The following RAB11FIP4 variants were observed in gnomAD, a reference collection of about 807,000 sequenced individuals.
RAB11FIP4 encodes rab11 family-interacting protein 4.
In RAB11FIP4, 23 loss-of-function variants were observed where a neutral mutation model predicts 74.3. The observed-to-expected ratio is 0.31, with a 90% CI of 0.22 to 0.44. The LOEUF is 0.44. Among genes scored for constraint, RAB11FIP4 ranks in the 20% least tolerant of loss-of-function variants. The probability of loss-of-function intolerance (pLI) is 1.00; values close to 1 mark genes in which losing one functional copy is unlikely to be tolerated. For missense variants in RAB11FIP4, 630 were observed against 863.9 expected (o/e 0.73, Z 3.39); for synonymous variants, 360 against 359.9 (o/e 1.00, Z 0.00).
intron 9 of RAB11FIP4, chr17:31,524,654 C>T (rs1597982861): frequency 4.5e-6 from 1 of 220,624 alleles, no homozygotes; most frequent in Non-Finnish European, 9.2e-6. Context: ...CTACGTGCCC[C>T]TGGCCCTGTC....
chr17:31,460,806 T>C (rs994758053), intron 3 of RAB11FIP4, among the ~76,000 whole-genome samples: 16 of 151,856 alleles, frequency 1.1e-4, no homozygotes, highest in African/African-American at 2.9e-4. Flanking sequence ...TCCTAGCTCA[T>C]TGCATCCTCC....
intron 3 of RAB11FIP4, among the ~76,000 whole-genome samples, chr17:31,494,691 G>A (rs894940368): frequency 8.6e-5 from 13 of 151,986 alleles, no homozygotes; most frequent in Admixed American, 3.9e-4. Flanking sequence ...TACCCAGGCT[G>A]ATCTCGAATT....
rs867079892 is a variant in RAB11FIP4 at position 31,509,892 on chromosome 17, C to A, written c.337-7759C>A. ...ACTGCCTCTGGGTGGATGCTTGAACCCCCTTTATCCCACCCTTGCCTTGGC... is the reference window on the plus strand; with the variant it reads ...ACTGCCTCTGGGTGGATGCTTGAACACCCTTTATCCCACCCTTGCCTTGGC... On this transcript the variant is annotated intron_variant, in intron 3 of 14. Transcript: ENST00000621161. Among the ~76,000 whole-genome samples the A allele has an allele frequency of 5.2e-4, 79 of 152,222 alleles. 1 individual carries two copies. Among genetic ancestry groups the A allele is most frequent in the African/African-American group, 1.8e-3 (76 of 41,536 alleles).
Position 31,527,937 on chromosome 17 carries a change from C to T in RAB11FIP4, c.1356+14C>T. The stretch of plus-strand genomic sequence containing the variant: ...AAACTGGATGAGGTGAGCAGCAGAT[C>T]CAGGCTTGGAGGGGCAGGGCTGGCC... On this transcript the variant is annotated intron_variant, in intron 11 of 14. Coordinates refer to ENST00000621161, the MANE Select transcript of RAB11FIP4 (RefSeq NM_032932.6). 7 of 1,583,142 alleles carry T rather than the reference C, an allele frequency of 4.4e-6. No individual in the cohort carries two copies. Among genetic ancestry groups the T allele is most frequent in the Non-Finnish European group, 6.0e-6 (7 of 1,163,758 alleles).
At chr17:31,441,820 G>T (rs913733166) in intron 3 of RAB11FIP4, among the ~76,000 whole-genome samples, 6 of 152,094 alleles carry the variant, frequency 3.9e-5, no homozygotes, top group African/African-American at 1.4e-4. Context: ...GAGCCACCAT[G>T]CCTGGCCCAT....
Position 31,492,368 on chromosome 17 carries a change from G to A in RAB11FIP4, c.337-25283G>A, listed in dbSNP as rs553901295. 1.5e-3 allele frequency among the ~76,000 whole-genome samples: 231 copies of A among 152,286 alleles called. 2 individuals carry two copies. Among genetic ancestry groups the A allele is most frequent in the African/African-American group, 5.4e-3 (224 of 41,572 alleles). On this transcript the variant is annotated intron_variant, in intron 3 of 14. Coordinates refer to ENST00000621161, the MANE Select transcript of RAB11FIP4 (RefSeq NM_032932.6). ...ACACACGTGTGTTTGCGTGTCATGCGGCATTCGGATGGGGCATCCTGTTCA... is the reference window on the plus strand; with the variant it reads ...ACACACGTGTGTTTGCGTGTCATGCAGCATTCGGATGGGGCATCCTGTTCA...
intron 1 of RAB11FIP4, among the ~76,000 whole-genome samples, chr17:31,398,322 G>A (rs2070950444): frequency 6.6e-6 from 1 of 152,224 alleles, no homozygotes; most frequent in South Asian, 2.1e-4. Flanking sequence ...TTACAGGCGT[G>A]AGCCACCACA....
intron 3 of RAB11FIP4, among the ~76,000 whole-genome samples, chr17:31,484,284 T>C (rs2071879533): frequency 6.6e-6 from 1 of 151,870 alleles, no homozygotes; most frequent in South Asian, 2.1e-4. Context: ...TTGGCCAGGC[T>C]GGTCTCGAAT....
chr17:31,453,792 CAAAAAAAAAAAAA>C (rs555119408), intron 3 of RAB11FIP4, among the ~76,000 whole-genome samples: 1 of 62,632 alleles, frequency 1.6e-5, no homozygotes, highest in African/African-American at 5.3e-5. Flanking sequence ...AGACTCGTCT[CAAAAAAAAAAAAA>C]AAAAAAAAGA....
chr17:31,501,423 A>G (rs934127394), intron 3 of RAB11FIP4, among the ~76,000 whole-genome samples: 2 of 152,222 alleles, frequency 1.3e-5, no homozygotes, highest in Non-Finnish European at 2.9e-5. Context: ...CACTTACTTT[A>G]GCCTACAGTT....
In RAB11FIP4 at chr17:31,502,924, C is replaced by T. The variant is rs149923894; in HGVS notation, c.337-14727C>T. ...TCCCTGTGTCGTCACATGGTCTTTC[C>T]TTTGCGTGTGTCCTAATCTCCTCTT... On this transcript the variant is annotated intron_variant, in intron 3 of 14. Coordinates refer to ENST00000621161, the MANE Select transcript of RAB11FIP4 (RefSeq NM_032932.6). Among the ~76,000 whole-genome samples, 571 of 152,322 alleles carry T rather than the reference C, an allele frequency of 3.7e-3. 2 individuals are homozygous for T. Among genetic ancestry groups the T allele is most frequent in the African/African-American group, 0.013 (544 of 41,562 alleles).
chr17:31,525,541 G>A (rs1428793740), intron 10 of RAB11FIP4: 2 of 369,168 alleles, frequency 5.4e-6, no homozygotes, highest in East Asian at 5.3e-5. Flanking sequence ...CTGCTGTCAG[G>A]TTCTCCCCTG....
intron 3 of RAB11FIP4, among the ~76,000 whole-genome samples, chr17:31,493,729 T>C (rs1597953275): frequency 6.6e-6 from 1 of 152,234 alleles, no homozygotes; most frequent in East Asian, 1.9e-4. Flanking sequence ...TTGTGGAACT[T>C]TGGACAGGCG....
chr17:31,462,891 C>T (rs1195188291), intron 3 of RAB11FIP4, among the ~76,000 whole-genome samples: 3 of 152,194 alleles, frequency 2.0e-5, no homozygotes, highest in East Asian at 1.9e-4. Flanking sequence ...CCGCCTCGGC[C>T]TCCCAAAGTG....
intron 3 of RAB11FIP4, among the ~76,000 whole-genome samples, chr17:31,449,279 C>T (rs1177218593): frequency 6.6e-6 from 1 of 151,998 alleles, no homozygotes; most frequent in Non-Finnish European, 1.5e-5. Flanking sequence ...AACTCAAGCA[C>T]TCGCCTTCAC....
At chr17:31,437,043 G>T (rs1439732770) in intron 3 of RAB11FIP4, among the ~76,000 whole-genome samples, 4 of 152,014 alleles carry the variant, frequency 2.6e-5, no homozygotes, top group Non-Finnish European at 5.9e-5. Flanking sequence ...ACCCGCCTCG[G>T]CCTCCCAATG....
At chr17:31,520,166 T>C (rs778413666) in intron 4 of RAB11FIP4, among the ~76,000 whole-genome samples, 1 of 151,742 alleles carries the variant, frequency 6.6e-6, no homozygotes, top group Non-Finnish European at 1.5e-5. Flanking sequence ...AGCATTTACA[T>C]TGCATTAGGT....
chr17:31,443,183 T>A (rs1226873178), intron 3 of RAB11FIP4, among the ~76,000 whole-genome samples: 1 of 152,224 alleles, frequency 6.6e-6, no homozygotes, highest in Non-Finnish European at 1.5e-5. Flanking sequence ...TTTTGGTCAC[T>A]AAGAGGGCGT....
chr17:31,483,770 G>C (rs2071873833), intron 3 of RAB11FIP4, among the ~76,000 whole-genome samples: 1 of 152,088 alleles, frequency 6.6e-6, no homozygotes. Flanking sequence ...GTTCAGAAGG[G>C]TTCTTTTCTC....
Sources: gnomAD v4.1 joint callset for allele counts (sites outside exome capture counted in the v4.1 genomes callset) on GRCh38, gnomAD v4.1.1 for gene constraint, MANE v1.5 for transcripts, NCBI Gene and HGNC (gene_info 2026-07-23, HGNC 2026-07-21) for gene names.